PLCB4: variants seen among roughly 807,000 people sequenced by gnomAD.
PLCB4 encodes 1-phosphatidylinositol 4,5-bisphosphate phosphodiesterase beta-4.
A neutral mutation model predicts 178.8 loss-of-function variants in PLCB4; 77 were observed. The observed-to-expected ratio is 0.43, with a 90% CI of 0.36 to 0.52. The LOEUF (loss-of-function observed/expected upper bound fraction) is 0.52. PLCB4 is among the 20% of genes least tolerant of loss of function. PLCB4 has a pLI of 0.00. For synonymous variants in PLCB4, 496 were observed against 490.8 expected (o/e 1.01, Z -0.14); for missense variants, 1,024 against 1,453.4 (o/e 0.70, Z 4.80).
At chr20:9,167,686 T>C (rs909009198) in intron 2 of PLCB4, among the ~76,000 whole-genome samples, 2 of 152,224 alleles carry the variant, frequency 1.3e-5, no homozygotes, top group African/African-American at 4.8e-5. Context: ...TTTCATATAA[T>C]ATGCACATGT....
chr20:9,101,734 G>A (rs2091160435), intron 2 of PLCB4, among the ~76,000 whole-genome samples: 1 of 152,066 alleles, frequency 6.6e-6, no homozygotes, highest in Non-Finnish European at 1.5e-5. Context: ...TATGATTATG[G>A]CCTACATACA....
intron 2 of PLCB4, among the ~76,000 whole-genome samples, chr20:9,098,817 C>T (rs2091028500): frequency 6.9e-6 from 1 of 145,290 alleles, no homozygotes; most frequent in South Asian, 2.2e-4. Context: ...TTAATTGCCA[C>T]ATACTCCAGG....
At chr20:9,370,426 A>T (rs915930692) in intron 9 of PLCB4, among the ~76,000 whole-genome samples, 1 of 152,196 alleles carries the variant, frequency 6.6e-6, no homozygotes, top group African/African-American at 2.4e-5. Context: ...ACTGTGGTTA[A>T]GTGTGGGAAC....
At chr20:9,179,041 A>G (rs1173671575) in intron 2 of PLCB4, among the ~76,000 whole-genome samples, 2 of 152,198 alleles carry the variant, frequency 1.3e-5, no homozygotes, top group African/African-American at 4.8e-5. Context: ...ATAAAAAATG[A>G]AGATAACTTA....
At chr20:9,465,981 A>G (rs2043755532) in intron 35 of PLCB4, among the ~76,000 whole-genome samples, 1 of 152,244 alleles carries the variant, frequency 6.6e-6, no homozygotes, top group African/African-American at 2.4e-5. Context: ...TGCCAAGACA[A>G]TCCTAAGCAA....
At chr20:9,203,056 A>AAAAAAAATATATATATAT (rs769628056) in intron 2 of PLCB4, among the ~76,000 whole-genome samples, 1 of 126,162 alleles carries the variant, frequency 7.9e-6, no homozygotes, top group African/African-American at 3.3e-5. Context: ...AAAAAAAAAA[A>AAAAAAAATATATATATAT]ATATATATAT....
At chr20:9,332,882 T>G (rs1318883095) in intron 4 of PLCB4, among the ~76,000 whole-genome samples, 1 of 152,188 alleles carries the variant, frequency 6.6e-6, no homozygotes, top group African/African-American at 2.4e-5. Flanking sequence ...CTTCACAGTG[T>G]CAAACAGTGC....
At chr20:9,272,812 G>A (rs749596747) in intron 3 of PLCB4, among the ~76,000 whole-genome samples, 3 of 151,670 alleles carry the variant, frequency 2.0e-5, no homozygotes, top group Non-Finnish European at 2.9e-5. Flanking sequence ...TTGGTGTCAT[G>A]AAAAGGCTCT....
chr20:9,307,181 C>T (rs1473513496), intron 3 of PLCB4, among the ~76,000 whole-genome samples: 1 of 152,088 alleles, frequency 6.6e-6, no homozygotes, highest in Non-Finnish European at 1.5e-5. Flanking sequence ...TGGAGTTTCT[C>T]CAGGGACCCC....
At chr20:9,421,745 G>A (rs1878087836) in intron 27 of PLCB4, among the ~76,000 whole-genome samples, 1 of 152,076 alleles carries the variant, frequency 6.6e-6, no homozygotes, top group African/African-American at 2.4e-5. Flanking sequence ...GGACACCATC[G>A]TACACTAGAG....
intron 1 of PLCB4, among the ~76,000 whole-genome samples, chr20:9,079,445 T>C (rs6056385): frequency 0.62 from 94,859 of 152,008 alleles, 29,725 homozygotes; most frequent in South Asian, 0.72. Context: ...CTGCCTGTAA[T>C]ATCCCTCCAG....
At chr20:9,259,049 A>G (rs1361326327) in intron 3 of PLCB4, among the ~76,000 whole-genome samples, 1 of 152,232 alleles carries the variant, frequency 6.6e-6, no homozygotes, top group Non-Finnish European at 1.5e-5. Flanking sequence ...AAAGCAGAAC[A>G]AAAAGTTGGC....
chr20:9,462,539 T>C (rs936950373), intron 35 of PLCB4, among the ~76,000 whole-genome samples: 1 of 152,134 alleles, frequency 6.6e-6, no homozygotes, highest in African/African-American at 2.4e-5. Flanking sequence ...GATGAATGGA[T>C]AACTATAATA....
intron 2 of PLCB4, among the ~76,000 whole-genome samples, chr20:9,116,703 A>C (rs2091791734): frequency 6.6e-6 from 1 of 152,126 alleles, no homozygotes; most frequent in African/African-American, 2.4e-5. Context: ...AATTTTAAAA[A>C]ACAGCTTGTC....
Position 9,372,999 on chromosome 20 carries a change from G to A in PLCB4, c.687-48G>A. 3.7e-6 allele frequency: 3 copies of A among 806,050 alleles called. No individual in the cohort carries two copies. The South Asian group carries it at 4.3e-5, about 12-fold the overall frequency. The allele number at this position is 806,050 out of a possible 1,614,324, so 49.9% of individuals were successfully genotyped here. A position where few individuals can be genotyped will look rare whatever the true frequency, so the allele number is the denominator to read the frequency against. On this transcript the variant is annotated intron_variant, in intron 11 of 39. Coordinates refer to ENST00000378473, the MANE Select transcript of PLCB4 (RefSeq NM_001377142.1). ...TGTCAACATGTAAATCGTACATACT[G>A]TAGCATCATATACAAAAACTTACTT... is the stretch of plus-strand genomic sequence containing the variant.
intron 3 of PLCB4, among the ~76,000 whole-genome samples, chr20:9,217,774 G>A (rs1191872622): frequency 6.6e-6 from 1 of 152,182 alleles, no homozygotes; most frequent in African/African-American, 2.4e-5. Flanking sequence ...TCTTTCTGGG[G>A]AGAAATGTTT....
intron 9 of PLCB4, among the ~76,000 whole-genome samples, chr20:9,370,457 G>A (rs192227369): frequency 2.6e-5 from 4 of 152,160 alleles, no homozygotes; most frequent in African/African-American, 7.2e-5. Flanking sequence ...ACAACTGAAG[G>A]CATGGATTGA....
intron 2 of PLCB4, among the ~76,000 whole-genome samples, chr20:9,115,433 C>CT (rs869027659): frequency 3.0e-5 from 4 of 134,902 alleles, no homozygotes; most frequent in Non-Finnish European, 6.3e-5. Flanking sequence ...ACTTCTTCTT[C>CT]TTTTTTTTTA....
chr20:9,251,966 T>C (rs1239102255), intron 3 of PLCB4, among the ~76,000 whole-genome samples: 2 of 152,178 alleles, frequency 1.3e-5, no homozygotes, highest in African/African-American at 4.8e-5. Context: ...ATCTGTTTCT[T>C]CAAAGTCTTT....
Sources: allele counts gnomAD v4.1 joint callset (sites outside exome capture counted in the v4.1 genomes callset), GRCh38; gene constraint gnomAD v4.1.1; transcripts MANE v1.5; gene names NCBI Gene and HGNC (gene_info 2026-07-23, HGNC 2026-07-21).